Variants in TUSC3 observed in about 807,000 individuals in gnomAD.
TUSC3 encodes the protein tumor suppressor candidate 3, also known as dolichyl-diphosphooligosaccharide--protein glycosyltransferase subunit TUSC3.
In TUSC3, 45 loss-of-function variants were observed where a neutral mutation model predicts 44.8. The ratio of observed to expected loss-of-function variants is 1.00; its 90% CI spans 0.79 to 1.29. The LOEUF (loss-of-function observed/expected upper bound fraction) is 1.29. TUSC3 is among the 50% of genes most tolerant of loss of function. The pLI is 0.00. For missense variants in TUSC3, 519 were observed against 437.9 expected (o/e 1.19, Z -1.65); for synonymous variants, 212 against 152.9 (o/e 1.39, Z -2.85).
chr8:15,535,076 T>G (rs1251695319), intron 2 of TUSC3, among the ~76,000 whole-genome samples: 3 of 152,262 alleles, frequency 2.0e-5, no homozygotes, highest in Non-Finnish European at 4.4e-5. Flanking sequence ...TTAACATTTC[T>G]GAAATTGGTT....
chr8:15,763,996 C>A (rs1812254163), intron 10 of TUSC3, among the ~76,000 whole-genome samples: 1 of 152,072 alleles, frequency 6.6e-6, no homozygotes, highest in African/African-American at 2.4e-5. Flanking sequence ...TCTTCTCTCA[C>A]CCTGACCCTG....
intron 1 of TUSC3, among the ~76,000 whole-genome samples, chr8:15,452,619 C>A (rs1212872485): frequency 2.0e-5 from 3 of 152,176 alleles, no homozygotes; most frequent in Non-Finnish European, 2.9e-5. Context: ...GGCAGACTTA[C>A]GTCTGCCTTG....
At chr8:15,814,937 A>T in the TUSC3 span, among the ~76,000 whole-genome samples, 1 of 152,212 alleles carries the variant, frequency 6.6e-6, no homozygotes, top group South Asian at 2.1e-4. Flanking sequence ...GAGAAATATA[A>T]AACATGTTGG....
chr8:15,547,960 T>C (rs1273757337), intron 1 of TUSC3, among the ~76,000 whole-genome samples: 2 of 151,952 alleles, frequency 1.3e-5, no homozygotes, highest in East Asian at 3.9e-4. Flanking sequence ...AACTTTTTTC[T>C]GTTATTTTTA....
intron 2 of TUSC3, among the ~76,000 whole-genome samples, chr8:15,648,944 T>G (rs1305256455): frequency 6.6e-6 from 1 of 151,726 alleles, no homozygotes; most frequent in Admixed American, 6.6e-5. Context: ...ACTAATAAAG[T>G]CCCTTTTCTC....
chr8:15,807,775 T>C, the TUSC3 span, among the ~76,000 whole-genome samples: 1 of 152,110 alleles, frequency 6.6e-6, no homozygotes, highest in Admixed American at 6.5e-5. Context: ...GAAAAACAAA[T>C]ACTGCATGTT....
Position 15,609,843 on chromosome 8 carries a change from T to A in TUSC3, c.139-13237T>A, listed in dbSNP as rs1020196958. Among the ~76,000 whole-genome samples, 12 of 152,184 alleles carry A rather than the reference T, an allele frequency of 7.9e-5. No homozygotes were observed. In the Middle Eastern group the frequency reaches 0.014, roughly 174 times the overall value. The stretch of plus-strand genomic sequence containing the variant: ...GGCCATTTTCAACTATTTACATGAC[T>A]TTATGACCTATCTTTATCAATAAAC... On this transcript the variant is annotated intron_variant, in intron 1 of 10. Transcript: ENST00000503731.
chr8:15,619,039 C>T (rs532243425), intron 1 of TUSC3, among the ~76,000 whole-genome samples: 1 of 152,208 alleles, frequency 6.6e-6, no homozygotes, highest in East Asian at 1.9e-4. Context: ...ACTTCCATTA[C>T]CTTATATGCT....
chr8:15,445,975 C>T (rs1239733221), intron 1 of TUSC3, among the ~76,000 whole-genome samples: 1 of 150,798 alleles, frequency 6.6e-6, no homozygotes, highest in African/African-American at 2.4e-5. Flanking sequence ...GCGGATGGGG[C>T]AGCTGCCCGG....
chr8:15,646,415 C>G (rs944462474), intron 2 of TUSC3, among the ~76,000 whole-genome samples: 6 of 151,940 alleles, frequency 3.9e-5, no homozygotes, highest in African/African-American at 1.5e-4. Flanking sequence ...AGAATAGAGG[C>G]TAGAATCTAC....
intron 1 of TUSC3, among the ~76,000 whole-genome samples, chr8:15,445,826 T>C (rs1345486407): frequency 1.3e-5 from 2 of 152,358 alleles, no homozygotes; most frequent in East Asian, 3.9e-4. Context: ...CAATGAGCTG[T>C]TGGGTACACC....
chr8:15,746,642 G>A (rs1811428988), intron 8 of TUSC3, among the ~76,000 whole-genome samples: 2 of 151,824 alleles, frequency 1.3e-5, no homozygotes, highest in African/African-American at 2.4e-5. Context: ...TGTCTTACTT[G>A]ATCACACATT....
At chr8:15,712,500 T>G (rs13262408) in intron 6 of TUSC3, among the ~76,000 whole-genome samples, 33,564 of 151,882 alleles carry the variant, frequency 0.22, 4,182 homozygotes, top group Non-Finnish European at 0.29. Flanking sequence ...CGATCTTTAT[T>G]CCTTAACCGT....
intron 7 of TUSC3, among the ~76,000 whole-genome samples, chr8:15,731,155 A>G (rs1207051111): frequency 6.6e-6 from 1 of 152,154 alleles, no homozygotes; most frequent in Non-Finnish European, 1.5e-5. Flanking sequence ...GTGGTTCAAC[A>G]TGCCTTTTTG....
At chr8:15,517,522 CAAAAAAAAAAAAAAA>C (rs71211049) in intron 2 of TUSC3, among the ~76,000 whole-genome samples, 10 of 77,576 alleles carry the variant, frequency 1.3e-4, no homozygotes, top group African/African-American at 5.8e-4. Flanking sequence ...TAGCGTGAGG[CAAAAAAAAAAAAAAA>C]AAAAAAAAAA....
At chr8:15,504,487 C>T (rs868645689) in intron 2 of TUSC3, among the ~76,000 whole-genome samples, 6 of 149,002 alleles carry the variant, frequency 4.0e-5, no homozygotes, top group Non-Finnish European at 5.9e-5. Flanking sequence ...CATATTTCTA[C>T]TACTGCCATA....
At chr8:15,608,048 A>G (rs1804609971) in intron 1 of TUSC3, among the ~76,000 whole-genome samples, 1 of 152,228 alleles carries the variant, frequency 6.6e-6, no homozygotes, top group African/African-American at 2.4e-5. Context: ...TGTCTATAAC[A>G]ATAAATGCCA....
At chr8:15,811,126 G>A in the TUSC3 span, among the ~76,000 whole-genome samples, 151,391 of 152,276 alleles carry the variant, frequency 0.99, 75,262 homozygotes, top group East Asian at 1. Flanking sequence ...GAAATGTCGC[G>A]TGGTTGTCTT....
At chr8:15,772,739 A>T in the TUSC3 span, among the ~76,000 whole-genome samples, 1 of 152,214 alleles carries the variant, frequency 6.6e-6, no homozygotes, top group Non-Finnish European at 1.5e-5. Flanking sequence ...ATGACAGTGC[A>T]TGTAAAAATC....
Sources: allele counts gnomAD v4.1 joint callset (sites outside exome capture counted in the v4.1 genomes callset), GRCh38; gene constraint gnomAD v4.1.1; transcripts MANE v1.5; gene names NCBI Gene and HGNC (gene_info 2026-07-23, HGNC 2026-07-21).